Variants in MYO5C observed in about 807,000 individuals in gnomAD.
MYO5C encodes myosin VC, also known as unconventional myosin-Vc.
A neutral mutation model predicts 235.7 loss-of-function variants in MYO5C; 194 were observed. The observed-to-expected ratio is 0.82, with a 90% confidence interval of 0.73 to 0.93. The LOEUF (loss-of-function observed/expected upper bound fraction) is 0.93, where lower values mean the gene tolerates loss of function less well. Among genes scored for constraint, MYO5C ranks in the 40% least tolerant of loss-of-function variants. The pLI is 0.00. For synonymous variants in MYO5C, 707 were observed against 754.8 expected (o/e 0.94, Z 1.04); for missense variants, 2,038 against 2,127.2 (o/e 0.96, Z 0.82).
chr15:52,211,466 T>C (rs1353834485), intron 35 of MYO5C, among the ~76,000 whole-genome samples: 5 of 152,202 alleles, frequency 3.3e-5, no homozygotes, highest in Non-Finnish European at 5.9e-5. Context: ...TCACAGCTGA[T>C]AACTTTACAC....
rs564643669 is a variant in MYO5C, at chr15:52,266,951, C to T, written c.941-2655G>A. ...TCACCATTAATGCCTTGAGAGGACA[C>T]GGTACTCTACCTCTCCACAAAACTC... On this transcript the variant is annotated intron_variant, in intron 8 of 40. Transcript: ENST00000261839. 4.9e-4 allele frequency among the ~76,000 whole-genome samples: 75 copies of T among 152,258 alleles called. 1 individual carries two copies. In the South Asian group the frequency reaches 7.0e-3, roughly 14 times the overall value.
rs1031554237 is a variant in MYO5C at position 52,246,963 on chromosome 15, G to T, written c.1933C>A (p.His645Asn). 3.1e-6 allele frequency: 5 copies of T among 1,614,008 alleles called. No homozygotes were observed. The African/African-American group carries it at 6.7e-5, about 22-fold the overall frequency. Residue 645 changes from histidine (H) to asparagine (N), a missense_variant, in exon 16 of 41, where the codon CAC becomes AAC. By Grantham distance (68) the His-to-Asn change is moderately conservative. Transcript: ENST00000261839. ...TTTGGCTTGATGCATCGAACGTAGT[G>T]GGGCGTCGTCGCATTGAGGGTCTCC... ...LMETLNATTPHYVRCIKPNDE... is the reference protein window; with the variant it reads ...LMETLNATTPNYVRCIKPNDE...
intron 24 of MYO5C, among the ~76,000 whole-genome samples, chr15:52,231,895 G>A (rs2035959550): frequency 1.3e-5 from 2 of 152,224 alleles, no homozygotes. Context: ...GGCTGGTACA[G>A]TACAAGGTCA....
At chr15:52,204,758 CAG>C in intron 38 of MYO5C, 105 bp downstream of exon 38, 5 of 1,346,272 alleles carry the variant, frequency 3.7e-6, no homozygotes, top group Middle Eastern at 2.0e-4. Context: ...AGGGCCTAAA[CAG>C]GGGTTTGACG....
At chr15:52,295,437 C>T (rs1213659234) in intron 1 of MYO5C, among the ~76,000 whole-genome samples, 173 bp downstream of exon 1, 2 of 152,114 alleles carry the variant, frequency 1.3e-5, no homozygotes, top group African/African-American at 4.8e-5. Context: ...TCGCTCGTGT[C>T]CCCGGTCCCC....
intron 2 of MYO5C, among the ~76,000 whole-genome samples, chr15:52,281,140 C>G (rs914363244): frequency 1.3e-5 from 2 of 152,210 alleles, no homozygotes; most frequent in African/African-American, 4.8e-5. Context: ...ACCCCCACTT[C>G]TGGTTTGGCC....
Position 52,235,668 on chromosome 15 carries a change from A to C in MYO5C, c.2962+2T>G. On this transcript the variant is annotated splice_donor_variant, in intron 23 of 40. Coordinates refer to ENST00000261839, the MANE Select transcript of MYO5C (RefSeq NM_018728.4). LOFTEE classifies it high-confidence loss of function. Reference sequence around the variant, plus strand: ...TCTGGATTTGTGCCCCCCAAGCTTTACCTTTTAACTCTTCAGTCTTCTCTT... The same window carrying C: ...TCTGGATTTGTGCCCCCCAAGCTTTCCCTTTTAACTCTTCAGTCTTCTCTT... The C allele has an allele frequency of 6.2e-7, 1 of 1,605,750 alleles. No individual in the cohort carries two copies. Among genetic ancestry groups the C allele is most frequent in the Non-Finnish European group, 8.5e-7 (1 of 1,175,228 alleles).
At chr15:52,202,065 TA>T (rs1409811275) in intron 38 of MYO5C, among the ~76,000 whole-genome samples, 1 of 151,938 alleles carries the variant, frequency 6.6e-6, no homozygotes, top group African/African-American at 2.4e-5. Context: ...ATATAAATAT[TA>T]TATTACATTA....
At chr15:52,236,569 G>A (rs1406369254) in intron 22 of MYO5C, among the ~76,000 whole-genome samples, 3 of 152,148 alleles carry the variant, frequency 2.0e-5, no homozygotes, top group African/African-American at 7.2e-5. Context: ...CCAGCTACTC[G>A]GGAGGCTGAG....
At chr15:52,274,634 T>C (rs913677163) in intron 5 of MYO5C, among the ~76,000 whole-genome samples, 3 of 151,802 alleles carry the variant, frequency 2.0e-5, no homozygotes, top group African/African-American at 7.2e-5. Context: ...AGTAAGCCTA[T>C]GCCTCTGAAT....
At chr15:52,259,419 C>A (rs147622326) in intron 10 of MYO5C, among the ~76,000 whole-genome samples, 908 of 127,198 alleles carry the variant, frequency 7.1e-3, no homozygotes, top group Non-Finnish European at 8.2e-3. Context: ...GACTCCGTCT[C>A]AAAAAAAAAA....
chr15:52,289,957 C>T (rs1386436867), intron 1 of MYO5C, among the ~76,000 whole-genome samples: 1 of 152,190 alleles, frequency 6.6e-6, no homozygotes, highest in African/African-American at 2.4e-5. Context: ...CCACCCTAGC[C>T]CCACCCATCC....
At chr15:52,249,244 C>T (rs7168434) in intron 13 of MYO5C, among the ~76,000 whole-genome samples, 6,387 of 152,276 alleles carry the variant, frequency 0.042, 250 homozygotes, top group East Asian at 0.11. Context: ...TCAAGAGCCA[C>T]CAAGCCCTCA....
At chr15:52,229,851 C>G (rs2035909527) in intron 24 of MYO5C, among the ~76,000 whole-genome samples, 1 of 152,162 alleles carries the variant, frequency 6.6e-6, no homozygotes. Flanking sequence ...TTACAGTGAT[C>G]ACGCACAGGG....
rs755449272 is a variant in MYO5C at position 52,280,847 on chromosome 15, C to A, written c.139-1173G>T. The stretch of plus-strand genomic sequence containing the variant: ...TCACACAGTTAATCTGAGCCTCACT[C>A]TGAAGCCTGTGCTCTCTCACTAGCA... On this transcript the variant is annotated intron_variant, in intron 2 of 40. Coordinates refer to ENST00000261839, the MANE Select transcript of MYO5C (RefSeq NM_018728.4). Among the ~76,000 whole-genome samples the A allele has an allele frequency of 2.0e-5, 3 of 152,252 alleles. No homozygotes were observed. In the South Asian group the frequency reaches 6.2e-4, roughly 32 times the overall value.
intron 1 of MYO5C, among the ~76,000 whole-genome samples, chr15:52,284,578 T>C (rs1237112312): frequency 1.3e-5 from 2 of 152,152 alleles, no homozygotes; most frequent in Non-Finnish European, 2.9e-5. Context: ...GACTTAAGAT[T>C]TGTGCATTTC....
chr15:52,256,875 G>C lies in MYO5C; in HGVS notation c.1314-155C>G, dbSNP rs997665796. The C allele has an allele frequency of 6.7e-6, 4 of 596,654 alleles. No homozygotes were observed. In the Admixed American group the frequency reaches 9.0e-5, roughly 13 times the overall value. 37.0% of individuals were successfully genotyped at this position (596,654 alleles called of 1,614,324 possible). On this transcript the variant is annotated intron_variant, in intron 10 of 40. Coordinates refer to ENST00000261839, the MANE Select transcript of MYO5C (RefSeq NM_018728.4). ...AGCTTCTGGTTTTAATGATATCCTA[G>C]TAGTCAGTTTATAAATAACCCTTTT... is the stretch of plus-strand genomic sequence containing the variant.
At position 52,229,152 on chromosome 15, in the gene MYO5C, C is replaced by T. The variant is rs373576239; in HGVS notation, c.3188G>A (p.Arg1063His). 5.6e-6 allele frequency: 9 copies of T among 1,614,174 alleles called. No individual in the cohort carries two copies. The highest frequency in any genetic ancestry group is 5.3e-5 in the African/African-American group (4 of 75,062). ...TSDGLKAEVARLSKQVKTISE... is the reference protein window; with the variant it reads ...TSDGLKAEVAHLSKQVKTISE... ...CTCTACCTTGACCTGCTTGCTCAGG[C>T]GGGCCACTTCCGCCTTCAAGCCATC... The change falls in exon 25 of 41, where the codon CGC (arginine) becomes CAC (histidine). Residue 1063 changes from arginine to histidine, a missense_variant. Physicochemically the swap from Arg to His is conservative, Grantham distance 29 (BLOSUM62 0). Coordinates refer to ENST00000261839, the MANE Select transcript of MYO5C (RefSeq NM_018728.4).
chr15:52,227,740 G>C (rs1474761184), intron 25 of MYO5C, among the ~76,000 whole-genome samples: 1 of 152,130 alleles, frequency 6.6e-6, no homozygotes, highest in Admixed American at 6.5e-5. Flanking sequence ...CATGTGGTCT[G>C]ACCTCCTACT....
Sources: gnomAD v4.1 joint callset for allele counts (sites outside exome capture counted in the v4.1 genomes callset) on GRCh38, gnomAD v4.1.1 for gene constraint, MANE v1.5 for transcripts, NCBI Gene and HGNC (gene_info 2026-07-23, HGNC 2026-07-21) for gene names.